The following MFN1 variants were observed in gnomAD, a reference collection of about 807,000 sequenced individuals.
The protein encoded by MFN1 is mitofusin-1.
A neutral mutation model predicts 92.4 loss-of-function variants in MFN1; 65 were observed. The ratio of observed to expected loss-of-function variants is 0.70; its 90% CI spans 0.58 to 0.86. The LOEUF (loss-of-function observed/expected upper bound fraction) is 0.86, where lower values mean the gene tolerates loss of function less well. MFN1 is among the 40% of genes least tolerant of loss of function. MFN1 has a pLI of 0.00. For synonymous variants in MFN1, 297 were observed against 300.9 expected (o/e 0.99, Z 0.13); for missense variants, 781 against 868.0 (o/e 0.90, Z 1.26).
At position 179,390,103 on chromosome 3, in the gene MFN1, G is replaced by A; in HGVS notation, c.2112G>A (p.Gln704=). 2 of 1,601,904 alleles carry A rather than the reference G, an allele frequency of 1.2e-6. No individual in the cohort carries two copies. The highest frequency in any genetic ancestry group is 8.5e-7 in the Non-Finnish European group (1 of 1,176,356). ...EIARLPKEID[Q]LEKIQNNSKL... is the part of the protein sequence containing the mutation. ...CTAGATTACCCAAAGAAATAGATCAGTTGGAGAAAATACAAAACAATTCAA... is the reference window on the plus strand; with the variant it reads ...CTAGATTACCCAAAGAAATAGATCAATTGGAGAAAATACAAAACAATTCAA... Residue 704 remains glutamine (Q), a synonymous_variant, in exon 17 of 18, where the codon CAG becomes CAA. Transcript: ENST00000471841.
intron 7 of MFN1, 41 bp downstream of exon 7, chr3:179,365,266 T>C: frequency 1.8e-6 from 2 of 1,084,108 alleles, no homozygotes; most frequent in South Asian, 1.6e-5. Flanking sequence ...TGAAATACAG[T>C]CACATACATT....
intron 16 of MFN1, 50 bp from the exon 17 acceptor site, chr3:179,389,954 T>C (rs1444072590): frequency 6.6e-7 from 1 of 1,508,240 alleles, no homozygotes; most frequent in Admixed American, 2.2e-5. Flanking sequence ...AAATTAAAGC[T>C]TATTCATTTT....
intron 5 of MFN1, among the ~76,000 whole-genome samples, chr3:179,363,379 C>T (rs567100624): frequency 2.0e-5 from 3 of 152,084 alleles, no homozygotes; most frequent in Non-Finnish European, 2.9e-5. Flanking sequence ...AGCTGCCGTA[C>T]CTGGCTGAAT....
chr3:179,382,740 C>T (rs1443602713), intron 14 of MFN1, among the ~76,000 whole-genome samples: 1 of 152,168 alleles, frequency 6.6e-6, no homozygotes, highest in Non-Finnish European at 1.5e-5. Context: ...CCTGTTGTTT[C>T]CTGACTTTGT....
chr3:179,390,193 T>C, intron 17 of MFN1, 55 bp downstream of exon 17: 4 of 1,330,988 alleles, frequency 3.0e-6, no homozygotes, highest in African/African-American at 1.5e-5. Context: ...CATTACAAAA[T>C]ATGTAAAATT....
chr3:179,373,775 G>A (rs1713113366), intron 9 of MFN1, among the ~76,000 whole-genome samples: 2 of 151,866 alleles, frequency 1.3e-5, no homozygotes, highest in African/African-American at 2.4e-5. Flanking sequence ...CCGGGTTCTC[G>A]CCATTCTCCT....
intron 9 of MFN1, among the ~76,000 whole-genome samples, chr3:179,373,456 T>G (rs1713098722): frequency 6.6e-6 from 1 of 152,116 alleles, no homozygotes. Flanking sequence ...TTACCACAAT[T>G]TGTATTAGCT....
At chr3:179,352,300 T>C (rs564319861) in intron 3 of MFN1, among the ~76,000 whole-genome samples, 1 of 152,342 alleles carries the variant, frequency 6.6e-6, no homozygotes, top group East Asian at 1.9e-4. Flanking sequence ...AATGGAAATA[T>C]AGATAAATGA....
intron 17 of MFN1, among the ~76,000 whole-genome samples, chr3:179,390,948 C>G (rs1206877400): frequency 6.6e-6 from 1 of 152,148 alleles, no homozygotes; most frequent in African/African-American, 2.4e-5. Context: ...CTTCATCTGA[C>G]CAACAACACG....
Position 179,393,034 on chromosome 3 carries a change from C to G in MFN1, c.*975C>G, listed in dbSNP as rs1367950865. On this transcript the variant is annotated 3_prime_UTR_variant, in exon 18 of 18. Transcript: ENST00000471841. ...TGAGTCTGTACATATGTAAATTATGCCTAGTGGAGGTTCTGTTGACTTTCT... is the reference window on the plus strand; with the variant it reads ...TGAGTCTGTACATATGTAAATTATGGCTAGTGGAGGTTCTGTTGACTTTCT... The G allele has an allele frequency of 2.6e-5, 4 of 152,038 alleles. No homozygotes were observed. Among genetic ancestry groups the G allele is most frequent in the African/African-American group, 9.7e-5 (4 of 41,368 alleles). The allele number at this position is 152,038 out of a possible 1,614,324, so 9.4% of individuals were successfully genotyped here.
chr3:179,360,708 T>A (rs1241451383), intron 4 of MFN1, among the ~76,000 whole-genome samples: 3 of 152,060 alleles, frequency 2.0e-5, no homozygotes, highest in African/African-American at 7.3e-5. Context: ...TGATGATCCA[T>A]GCTATTTTAT....
intron 6 of MFN1, 88 bp downstream of exon 6, chr3:179,364,493 G>A (rs2108534357): frequency 9.4e-7 from 1 of 1,063,070 alleles, no homozygotes; most frequent in Non-Finnish European, 1.4e-6. Flanking sequence ...AATCCATATC[G>A]TGGATTAGAA....
chr3:179,356,570 T>G (rs1292945392), intron 3 of MFN1, among the ~76,000 whole-genome samples: 1 of 152,188 alleles, frequency 6.6e-6, no homozygotes, highest in African/African-American at 2.4e-5. Flanking sequence ...AATCCCCATA[T>G]ATCTAGTTAT....
At chr3:179,387,552 A>G (rs1381444912) in intron 16 of MFN1, among the ~76,000 whole-genome samples, 1 of 151,406 alleles carries the variant, frequency 6.6e-6, no homozygotes, top group Non-Finnish European at 1.5e-5. Flanking sequence ...TGTCTCAAAA[A>G]TAAATAATTG....
intron 3 of MFN1, among the ~76,000 whole-genome samples, chr3:179,353,054 A>AT (rs1209044534): frequency 0.1 from 12,743 of 124,306 alleles, 2,377 homozygotes; most frequent in African/African-American, 0.35. Context: ...ATCCAGCCTA[A>AT]ATTTTTTTTT....
At chr3:179,367,876 T>C (rs1329466112) in intron 8 of MFN1, among the ~76,000 whole-genome samples, 160 bp from the exon 9 acceptor site, 1 of 150,988 alleles carries the variant, frequency 6.6e-6, no homozygotes, top group African/African-American at 2.4e-5. Context: ...CGAGCCAAGA[T>C]TGCGCCATTG....
chr3:179,393,439 T>C lies in MFN1; in HGVS notation c.*1380T>C, dbSNP rs576743746. On this transcript the variant is annotated 3_prime_UTR_variant, in exon 18 of 18. Coordinates refer to ENST00000471841, the MANE Select transcript of MFN1 (RefSeq NM_033540.3). Reference sequence around the variant, plus strand: ...AAGCTTTTTTTTTCTTTGAATACAGTCCTTCCTTTTCTATGCCTTTTAAGG... The same window carrying C: ...AAGCTTTTTTTTTCTTTGAATACAGCCCTTCCTTTTCTATGCCTTTTAAGG... The C allele has an allele frequency of 6.6e-6, 1 of 152,156 alleles. No homozygotes were observed. Among genetic ancestry groups the C allele is most frequent in the Non-Finnish European group, 1.5e-5 (1 of 68,020 alleles). The allele number at this position is 152,156 out of a possible 1,614,324, so 9.4% of individuals were successfully genotyped here.
At chr3:179,358,792 T>G (rs945601778) in intron 3 of MFN1, 48 bp from the exon 4 acceptor site, 1 of 1,555,416 alleles carries the variant, frequency 6.4e-7, no homozygotes, top group East Asian at 2.3e-5. Flanking sequence ...AAAGAACTAC[T>G]TTTTTTACTG....
At chr3:179,377,973 T>A (rs1713309173) in intron 12 of MFN1, among the ~76,000 whole-genome samples, 1 of 151,478 alleles carries the variant, frequency 6.6e-6, no homozygotes, top group East Asian at 1.9e-4. Flanking sequence ...GGCGGGAGAA[T>A]CGCTTGAAAC....
Sources: allele counts gnomAD v4.1 joint callset (sites outside exome capture counted in the v4.1 genomes callset), GRCh38; gene constraint gnomAD v4.1.1; transcripts MANE v1.5; gene names NCBI Gene and HGNC (gene_info 2026-07-23, HGNC 2026-07-21).